Variants in SDK1 observed in about 807,000 individuals in gnomAD.
The protein encoded by SDK1 is sidekick cell adhesion molecule 1.
In SDK1, 157 loss-of-function variants were observed where a neutral mutation model predicts 245.5. The ratio of observed to expected loss-of-function variants is 0.64; its 90% confidence interval spans 0.56 to 0.73. SDK1 has a LOEUF of 0.73. Ranked by LOEUF, SDK1 falls within the 30% of genes least tolerant of loss-of-function variation. The probability of loss-of-function intolerance (pLI) is 0.00; values close to 1 mark genes in which losing one functional copy is unlikely to be tolerated. For synonymous variants in SDK1, 1,647 were observed against 1,278.5 expected, an observed-to-expected ratio of 1.29 and a Z score of -6.15; for missense variants, 3,583 against 3,002.3, an observed-to-expected ratio of 1.19 and a Z score of -4.52.
chr7:3,849,320 C>T (rs1029107406), intron 5 of SDK1, among the ~76,000 whole-genome samples: 3 of 152,144 alleles, frequency 2.0e-5, no homozygotes, highest in Admixed American at 1.3e-4. Flanking sequence ...TCCTGCCCTG[C>T]CTGCTGAGGT....
At chr7:3,651,343 C>T (rs1290788301) in intron 4 of SDK1, among the ~76,000 whole-genome samples, 2 of 152,002 alleles carry the variant, frequency 1.3e-5, no homozygotes, top group Non-Finnish European at 2.9e-5. Flanking sequence ...TGATGTTGAA[C>T]ATCTCTTAAT....
chr7:3,524,101 G>C (rs890798432), intron 1 of SDK1, among the ~76,000 whole-genome samples: 6 of 152,166 alleles, frequency 3.9e-5, no homozygotes, highest in Admixed American at 2.6e-4. Flanking sequence ...TTTAAGCAAA[G>C]ACCTGCAGGA....
chr7:3,676,999 C>T (rs528982809), intron 4 of SDK1, among the ~76,000 whole-genome samples: 35 of 152,272 alleles, frequency 2.3e-4, no homozygotes, highest in Admixed American at 1.8e-3. Context: ...TACTTCTGTT[C>T]CCTGGACATA....
chr7:3,820,245 G>A (rs903596463), intron 4 of SDK1, among the ~76,000 whole-genome samples: 1 of 152,274 alleles, frequency 6.6e-6, no homozygotes, highest in East Asian at 1.9e-4. Flanking sequence ...CGCCTCCCAG[G>A]TTCAAGCGAT....
intron 1 of SDK1, among the ~76,000 whole-genome samples, chr7:3,596,034 T>G (rs1412717401): frequency 6.6e-6 from 1 of 151,710 alleles, no homozygotes; most frequent in African/African-American, 2.4e-5. Flanking sequence ...TTAAAATATT[T>G]CCTCCTTGGT....
chr7:3,652,347 C>T (rs1230884262), intron 4 of SDK1, among the ~76,000 whole-genome samples: 4 of 152,148 alleles, frequency 2.6e-5, no homozygotes, highest in African/African-American at 4.8e-5. Flanking sequence ...GGAACAAAGT[C>T]CTGGCAAATG....
At chr7:3,746,998 T>G (rs1376903499) in intron 4 of SDK1, among the ~76,000 whole-genome samples, 3 of 152,238 alleles carry the variant, frequency 2.0e-5, no homozygotes, top group Non-Finnish European at 2.9e-5. Flanking sequence ...CAAAATGCAT[T>G]TCTTAAATAG....
intron 22 of SDK1, among the ~76,000 whole-genome samples, chr7:4,090,174 C>T (rs1293112491): frequency 6.6e-6 from 1 of 152,184 alleles, no homozygotes; most frequent in African/African-American, 2.4e-5. Flanking sequence ...TTTCTCCCCT[C>T]TAAAATGACC....
At chr7:3,519,770 A>C (rs1445101816) in intron 1 of SDK1, among the ~76,000 whole-genome samples, 2 of 152,200 alleles carry the variant, frequency 1.3e-5, no homozygotes, top group Non-Finnish European at 1.5e-5. Context: ...GGAGACTCAT[A>C]TAATAGAATT....
chr7:4,188,273 G>C (rs1481367977), intron 35 of SDK1, among the ~76,000 whole-genome samples: 4 of 152,174 alleles, frequency 2.6e-5, no homozygotes, highest in Non-Finnish European at 5.9e-5. Flanking sequence ...GTTGTTGGCG[G>C]CTTCTGATTG....
At chr7:3,465,877 A>G (rs1352490785) in intron 1 of SDK1, among the ~76,000 whole-genome samples, 3 of 152,184 alleles carry the variant, frequency 2.0e-5, no homozygotes, top group African/African-American at 7.2e-5. Flanking sequence ...CAGAGGATAA[A>G]TTCATATAAA....
chr7:3,536,380 T>G (rs1170357426), intron 1 of SDK1, among the ~76,000 whole-genome samples: 2 of 152,026 alleles, frequency 1.3e-5, no homozygotes, highest in Non-Finnish European at 2.9e-5. Flanking sequence ...GCAGAATAAT[T>G]TTTTAAAAAA....
intron 1 of SDK1, among the ~76,000 whole-genome samples, chr7:3,596,192 G>C (rs1245831673): frequency 1.3e-5 from 2 of 152,078 alleles, no homozygotes; most frequent in African/African-American, 4.8e-5. Context: ...GTCGTTCCAG[G>C]GGTAGTAACA....
chr7:3,492,366 C>T (rs994357808), intron 1 of SDK1, among the ~76,000 whole-genome samples: 1 of 152,156 alleles, frequency 6.6e-6, no homozygotes, highest in Non-Finnish European at 1.5e-5. Flanking sequence ...TGGTGGCAGG[C>T]ACCTGTAGTC....
intron 28 of SDK1, among the ~76,000 whole-genome samples, chr7:4,142,980 C>G (rs560543079): frequency 2.6e-5 from 4 of 152,158 alleles, no homozygotes; most frequent in Admixed American, 6.5e-5. Flanking sequence ...CTCCCAGCCC[C>G]GAGGAAGCAG....
chr7:3,738,602 A>T (rs1004569612), intron 4 of SDK1, among the ~76,000 whole-genome samples: 3 of 152,178 alleles, frequency 2.0e-5, no homozygotes, highest in Non-Finnish European at 4.4e-5. Flanking sequence ...GCAGGATTGT[A>T]TTAAATCTGT....
intron 5 of SDK1, among the ~76,000 whole-genome samples, chr7:3,880,519 G>A (rs1781181986): frequency 1.4e-5 from 2 of 147,246 alleles, no homozygotes; most frequent in East Asian, 2.1e-4. Context: ...GATGCGTGGT[G>A]ACATTTTAAA....
At chr7:4,131,358 G>T (rs1784804294) in intron 27 of SDK1, among the ~76,000 whole-genome samples, 1 of 152,214 alleles carries the variant, frequency 6.6e-6, no homozygotes, top group African/African-American at 2.4e-5. Flanking sequence ...CGCTGCTTAA[G>T]TCTGAAGTCA....
intron 1 of SDK1, among the ~76,000 whole-genome samples, chr7:3,537,437 C>T (rs1180163195): frequency 2.6e-5 from 4 of 152,118 alleles, no homozygotes; most frequent in South Asian, 2.1e-4. Context: ...CCAAGGCCCC[C>T]GACTGGAAAT....
Sources: gnomAD v4.1 joint callset for allele counts (sites outside exome capture counted in the v4.1 genomes callset) on GRCh38, gnomAD v4.1.1 for gene constraint, MANE v1.5 for transcripts, NCBI Gene and HGNC (gene_info 2026-07-23, HGNC 2026-07-21) for gene names.